Variants in KIF18A observed in about 807,000 individuals in gnomAD.
KIF18A encodes the protein kinesin-like protein KIF18A.
KIF18A carries 67 observed loss-of-function variants against 103.3 expected under a neutral mutation model. The observed-to-expected ratio is 0.65, with a 90% CI of 0.53 to 0.79. The LOEUF (loss-of-function observed/expected upper bound fraction) is 0.79. Ranked by LOEUF, KIF18A falls within the 30% of genes least tolerant of loss-of-function variation. The pLI, the probability that KIF18A is intolerant of heterozygous loss-of-function variation, is 0.00. For synonymous variants in KIF18A, 367 were observed against 355.5 expected (o/e 1.03, Z -0.36); for missense variants, 1,032 against 1,062.5 (o/e 0.97, Z 0.40).
chr11:28,091,800 A>G (rs183222038), intron 3 of KIF18A, among the ~76,000 whole-genome samples: 2 of 152,332 alleles, frequency 1.3e-5, no homozygotes, highest in African/African-American at 4.8e-5. Flanking sequence ...GATAAGTAAG[A>G]TAGCTGAAGT....
At chr11:28,100,103 T>C (rs1036042939) in intron 1 of KIF18A, among the ~76,000 whole-genome samples, 3 of 151,940 alleles carry the variant, frequency 2.0e-5, no homozygotes, top group Admixed American at 2.0e-4. Flanking sequence ...GGTTTTTGGC[T>C]TGAGAATTAG....
intron 16 of KIF18A, among the ~76,000 whole-genome samples, chr11:28,022,769 T>G (rs1248610816): frequency 6.6e-6 from 1 of 152,204 alleles, no homozygotes; most frequent in African/African-American, 2.4e-5. Context: ...TTCAATTTGC[T>G]GTCTGATGCT....
chr11:28,065,039 G>A (rs929391785), intron 11 of KIF18A, among the ~76,000 whole-genome samples: 1 of 152,052 alleles, frequency 6.6e-6, no homozygotes, highest in Non-Finnish European at 1.5e-5. Context: ...GAACATGAAC[G>A]AAAGCAGAAG....
At chr11:28,049,695 G>A (rs1479478854) in intron 13 of KIF18A, among the ~76,000 whole-genome samples, 1 of 151,930 alleles carries the variant, frequency 6.6e-6, no homozygotes, top group Non-Finnish European at 1.5e-5. Flanking sequence ...ATCAAAATTA[G>A]TTGGCAAAGT....
At chr11:28,052,148 CT>C (rs979090367) in intron 13 of KIF18A, among the ~76,000 whole-genome samples, 3 of 152,092 alleles carry the variant, frequency 2.0e-5, no homozygotes, top group African/African-American at 7.2e-5. Flanking sequence ...TAACCTCCAT[CT>C]TTTGCCTGGG....
intron 13 of KIF18A, among the ~76,000 whole-genome samples, chr11:28,058,003 C>T (rs1157794169): frequency 6.6e-6 from 1 of 152,076 alleles, no homozygotes; most frequent in Non-Finnish European, 1.5e-5. Flanking sequence ...GTGTATTACA[C>T]ACATACTGCA....
rs780688734 is a variant in KIF18A, at chr11:28,059,148, A to G, written c.1726T>C (p.Leu576=). The change falls in exon 13 of 17, where the codon TTA becomes CTA. Residue 576 remains leucine, a synonymous_variant. Transcript: ENST00000263181. The part of the protein sequence containing the change: ...HRQTEAVLNA[L]LPTLRKQYCT... Reference sequence around the variant, plus strand: ...TATTGTTTTCTTAGGGTTGGAAGTAAAGCATTCAATACTCTATATACAGAA... The same window carrying G: ...TATTGTTTTCTTAGGGTTGGAAGTAGAGCATTCAATACTCTATATACAGAA... 3 of 1,611,220 alleles carry G rather than the reference A, an allele frequency of 1.9e-6. No homozygotes were observed. Among genetic ancestry groups the G allele is most frequent in the Non-Finnish European group, 8.5e-7 (1 of 1,177,384 alleles).
chr11:28,057,204 C>CT (rs1850792284), intron 13 of KIF18A, among the ~76,000 whole-genome samples: 1 of 152,042 alleles, frequency 6.6e-6, no homozygotes, highest in Admixed American at 6.6e-5. Flanking sequence ...CATCGATAAT[C>CT]TGAGAGTTAC....
chr11:28,021,314 G>T, intron 16 of KIF18A, 32 bp from the exon 17 acceptor site: 2 of 1,316,728 alleles, frequency 1.5e-6, no homozygotes, highest in South Asian at 3.7e-5. Context: ...GCATAAATAT[G>T]GCATAAATAT....
intron 13 of KIF18A, among the ~76,000 whole-genome samples, chr11:28,038,040 T>C (rs928675334): frequency 6.6e-6 from 1 of 151,578 alleles, no homozygotes; most frequent in South Asian, 2.1e-4. Context: ...TTTTCCAATG[T>C]ATACCAATTC....
intron 12 of KIF18A, among the ~76,000 whole-genome samples, chr11:28,059,548 T>TA (rs1446896460): frequency 2.0e-5 from 3 of 152,070 alleles, no homozygotes; most frequent in Non-Finnish European, 4.4e-5. Context: ...CCTCCCACCT[T>TA]AGGCTCCCAA....
intron 15 of KIF18A, among the ~76,000 whole-genome samples, chr11:28,025,042 A>C (rs1011617907): frequency 2.0e-5 from 3 of 152,112 alleles, no homozygotes; most frequent in Non-Finnish European, 4.4e-5. Flanking sequence ...AATTATAATT[A>C]TTATAAGGTT....
intron 13 of KIF18A, among the ~76,000 whole-genome samples, chr11:28,039,683 AGACT>A (rs1177897072): frequency 2.0e-5 from 3 of 151,764 alleles, no homozygotes; most frequent in Admixed American, 6.6e-5. Flanking sequence ...TAGTATGATC[AGACT>A]GACTAACAAT....
chr11:28,047,478 A>G (rs1300261094), intron 13 of KIF18A, among the ~76,000 whole-genome samples: 6 of 152,174 alleles, frequency 3.9e-5, no homozygotes, highest in Admixed American at 3.9e-4. Flanking sequence ...CCACCAGGAA[A>G]GTTACAATGG....
chr11:28,074,258 T>C (rs988905160), intron 10 of KIF18A, among the ~76,000 whole-genome samples: 15 of 152,122 alleles, frequency 9.9e-5, no homozygotes, highest in African/African-American at 3.6e-4. Context: ...CAGAATTCTG[T>C]TCAGCAACCA....
Position 28,068,497 on chromosome 11 carries a change from A to G in KIF18A, c.1590+762T>C, listed in dbSNP as rs762332062. ...AATTATGCAAAAAAAAAAAAAGACA[A>G]TCTTTTCAGAGTGTCTTCTATCTAC... On this transcript the variant is annotated intron_variant, in intron 11 of 16. Transcript: ENST00000263181. Among the ~76,000 whole-genome samples the G allele has an allele frequency of 1.5e-3, 231 of 151,870 alleles. 4 individuals carry two copies. Among genetic ancestry groups the G allele is most frequent in the Non-Finnish European group, 1.1e-3 (75 of 67,942 alleles).
chr11:28,028,968 G>T (rs958091540), intron 15 of KIF18A, among the ~76,000 whole-genome samples: 13 of 152,226 alleles, frequency 8.5e-5, no homozygotes, highest in Admixed American at 3.3e-4. Context: ...ACCCTCCCAA[G>T]ACTAAACCAG....
intron 16 of KIF18A, 81 bp from the exon 17 acceptor site, chr11:28,021,363 T>C: frequency 8.8e-7 from 1 of 1,136,750 alleles, no homozygotes. Context: ...ATAAAAATTA[T>C]GACCATAGAA....
At chr11:28,070,284 C>T (rs1850996261) in intron 10 of KIF18A, among the ~76,000 whole-genome samples, 1 of 152,108 alleles carries the variant, frequency 6.6e-6, no homozygotes, top group African/African-American at 2.4e-5. Context: ...ATAAATATCT[C>T]TTAATTTTGA....
Sources: gnomAD v4.1 joint callset for allele counts (sites outside exome capture counted in the v4.1 genomes callset) on GRCh38, gnomAD v4.1.1 for gene constraint, MANE v1.5 for transcripts, NCBI Gene and HGNC (gene_info 2026-07-23, HGNC 2026-07-21) for gene names.